MCU: variants seen among roughly 807,000 people sequenced by gnomAD.
MCU encodes the protein calcium uniporter protein, mitochondrial.
Under a neutral mutation model 45.2 loss-of-function variants are expected in MCU, and 12 were observed. The ratio of observed to expected loss-of-function variants is 0.27; its 90% CI spans 0.17 to 0.43. The LOEUF (loss-of-function observed/expected upper bound fraction) is 0.43, where lower values mean the gene tolerates loss of function less well. MCU is among the 20% of genes least tolerant of loss of function. MCU has a pLI of 1.00. For missense variants in MCU, 324 were observed against 436.7 expected (o/e 0.74, Z 2.30); for synonymous variants, 160 against 165.1 (o/e 0.97, Z 0.24).
At chr10:72,798,263 T>A (rs768133977) in intron 1 of MCU, among the ~76,000 whole-genome samples, 4 of 152,120 alleles carry the variant, frequency 2.6e-5, no homozygotes, top group Non-Finnish European at 1.5e-5. Context: ...AAAATACCCA[T>A]AATCCCAACA....
At chr10:72,744,027 ATG>A (rs1467589804) in intron 1 of MCU, among the ~76,000 whole-genome samples, 3 of 151,140 alleles carry the variant, frequency 2.0e-5, no homozygotes, top group African/African-American at 7.3e-5. Context: ...ATATATATGT[ATG>A]TGTATTTATA....
chr10:72,838,923 C>T (rs189099959), intron 2 of MCU, among the ~76,000 whole-genome samples: 116 of 151,896 alleles, frequency 7.6e-4, no homozygotes, highest in Non-Finnish European at 1.3e-3. Context: ...TTTAAAGAAG[C>T]TTTACTGAGC....
intron 1 of MCU, among the ~76,000 whole-genome samples, chr10:72,737,385 G>T (rs550977145): frequency 2.0e-5 from 3 of 152,308 alleles, no homozygotes; most frequent in Admixed American, 6.5e-5. Context: ...CTAGGCCTGG[G>T]CCCCAGACTT....
chr10:72,804,075 A>ATAT (rs1844390645), intron 1 of MCU, among the ~76,000 whole-genome samples: 1 of 56,026 alleles, frequency 1.8e-5, no homozygotes, highest in Admixed American at 2.0e-4. Flanking sequence ...TATATATATA[A>ATAT]AATAAGAGTG....
intron 2 of MCU, among the ~76,000 whole-genome samples, chr10:72,840,085 T>C (rs1845026206): frequency 6.6e-6 from 1 of 151,930 alleles, no homozygotes; most frequent in African/African-American, 2.4e-5. Flanking sequence ...ATATTGTAGG[T>C]ATATGCTTAA....
At chr10:72,714,736 G>A (rs1013700788) in intron 1 of MCU, among the ~76,000 whole-genome samples, 1 of 151,980 alleles carries the variant, frequency 6.6e-6, no homozygotes, top group South Asian at 2.1e-4. Context: ...TAGAGACGGG[G>A]TGTCTCCATG....
intron 1 of MCU, chr10:72,692,927 C>A: frequency 6.6e-7 from 1 of 1,520,094 alleles, no homozygotes; most frequent in Non-Finnish European, 8.8e-7. Flanking sequence ...ATGGATGCTG[C>A]ATTGCTTCAG....
intron 1 of MCU, among the ~76,000 whole-genome samples, chr10:72,757,448 A>G (rs1843594662): frequency 6.6e-6 from 1 of 152,174 alleles, no homozygotes. Flanking sequence ...CAAAGAACAT[A>G]CAGAAAGCTC....
At chr10:72,702,413 G>A (rs1449089383) in intron 1 of MCU, among the ~76,000 whole-genome samples, 1 of 152,100 alleles carries the variant, frequency 6.6e-6, no homozygotes, top group Non-Finnish European at 1.5e-5. Flanking sequence ...TGTACAGATG[G>A]AAAATGAAGA....
At chr10:72,804,667 A>G (rs1270068538) in intron 1 of MCU, among the ~76,000 whole-genome samples, 2 of 152,200 alleles carry the variant, frequency 1.3e-5, no homozygotes, top group Non-Finnish European at 2.9e-5. Context: ...ACATACAGTC[A>G]CAGTCATTGT....
intron 1 of MCU, among the ~76,000 whole-genome samples, chr10:72,829,778 A>G (rs550404897): frequency 3.3e-5 from 5 of 152,290 alleles, no homozygotes; most frequent in Non-Finnish European, 5.9e-5. Flanking sequence ...AGCTCTTACA[A>G]TTGCTTCCTT....
At chr10:72,827,811 CTT>C (rs936558834) in intron 1 of MCU, among the ~76,000 whole-genome samples, 2 of 152,128 alleles carry the variant, frequency 1.3e-5, no homozygotes, top group Non-Finnish European at 2.9e-5. Flanking sequence ...GAAACAGAGA[CTT>C]AGAAGTGGAA....
chr10:72,727,512 G>A (rs775748786), intron 1 of MCU, among the ~76,000 whole-genome samples: 1 of 152,160 alleles, frequency 6.6e-6, no homozygotes, highest in African/African-American at 2.4e-5. Flanking sequence ...ATTACAATCT[G>A]TCTTTTCAGT....
chr10:72,841,131 G>A (rs1845041527), intron 2 of MCU, among the ~76,000 whole-genome samples: 1 of 152,056 alleles, frequency 6.6e-6, no homozygotes. Context: ...AACTGATACT[G>A]TTCAAAGCAG....
chr10:72,731,617 G>GTC (rs1228975984), intron 1 of MCU, among the ~76,000 whole-genome samples: 27 of 151,614 alleles, frequency 1.8e-4, no homozygotes, highest in African/African-American at 6.3e-4. Context: ...AGCAATCACT[G>GTC]TCTATTCCCC....
intron 1 of MCU, among the ~76,000 whole-genome samples, chr10:72,760,104 G>A (rs1162919045): frequency 3.3e-5 from 5 of 151,016 alleles, no homozygotes; most frequent in Non-Finnish European, 4.4e-5. Flanking sequence ...GAGTGTAGTT[G>A]CGTGATCACA....
chr10:72,749,099 C>T (rs1312530649), intron 1 of MCU, among the ~76,000 whole-genome samples: 3 of 151,804 alleles, frequency 2.0e-5, no homozygotes, highest in Admixed American at 6.6e-5. Flanking sequence ...GAAATCTCAT[C>T]TCTCCCAATA....
intron 1 of MCU, among the ~76,000 whole-genome samples, chr10:72,814,746 A>G (rs1412108235): frequency 3.3e-5 from 5 of 152,232 alleles, no homozygotes; most frequent in Non-Finnish European, 7.3e-5. Flanking sequence ...AGGAAGGGTT[A>G]TATTATCTTA....
chr10:72,715,217 T>C, intron 1 of MCU: 1 of 978,962 alleles, frequency 1.0e-6, no homozygotes, highest in Non-Finnish European at 1.2e-6. Context: ...AGCTGGCCTG[T>C]GGGAGTCAAG....
Sources: allele counts gnomAD v4.1 joint callset (sites outside exome capture counted in the v4.1 genomes callset), GRCh38; gene constraint gnomAD v4.1.1; transcripts MANE v1.5; gene names NCBI Gene and HGNC (gene_info 2026-07-23, HGNC 2026-07-21).